TCF7L2: variants seen among roughly 807,000 people sequenced by gnomAD.
TCF7L2 encodes the protein transcription factor 7-like 2.
In TCF7L2, 23 loss-of-function variants were observed where a neutral mutation model predicts 77.9. The observed-to-expected ratio is 0.30, with a 90% CI of 0.21 to 0.42. The LOEUF (loss-of-function observed/expected upper bound fraction) is 0.42. Among genes scored for constraint, TCF7L2 ranks in the 10% least tolerant of loss-of-function variants. The probability of loss-of-function intolerance (pLI) is 1.00; values close to 1 mark genes in which losing one functional copy is unlikely to be tolerated. For synonymous variants in TCF7L2, 413 were observed against 340.2 expected (o/e 1.21, Z -2.36); for missense variants, 654 against 793.1 (o/e 0.82, Z 2.11).
intron 5 of TCF7L2, among the ~76,000 whole-genome samples, chr10:113,043,308 T>C (rs1209328441): frequency 3.9e-5 from 6 of 152,252 alleles, no homozygotes. Context: ...TTTCATGTGG[T>C]ATGTGGGTTA....
At chr10:113,145,766 A>G (rs1220912342) in intron 7 of TCF7L2, among the ~76,000 whole-genome samples, 1 of 152,170 alleles carries the variant, frequency 6.6e-6, no homozygotes, top group African/African-American at 2.4e-5. Flanking sequence ...CAGCTTGGGG[A>G]GAGGGTCTCT....
chr10:112,953,206 T>C (rs903291960), intron 3 of TCF7L2, among the ~76,000 whole-genome samples: 1 of 152,112 alleles, frequency 6.6e-6, no homozygotes, highest in African/African-American at 2.4e-5. Flanking sequence ...AAGGGCATGC[T>C]AGACCGGTCA....
chr10:113,135,304 C>A (rs547429827), intron 5 of TCF7L2, among the ~76,000 whole-genome samples: 1 of 152,162 alleles, frequency 6.6e-6, no homozygotes, highest in Non-Finnish European at 1.5e-5. Flanking sequence ...CCCATTCCCC[C>A]CCACTGTAGT....
At position 113,166,822 on chromosome 10, in the gene TCF7L2, CT is replaced by C. The variant is rs949646901; in HGVS notation, c.*860del. ...ATATATTTTTGTTTCCCCTTTTTGA[CT>C]TTTTTTTTTCTGTATGAAACCCAGA... is the stretch of plus-strand genomic sequence containing the variant. On this transcript the variant is annotated 3_prime_UTR_variant, in exon 14 of 14. Coordinates refer to ENST00000627217, the MANE Select transcript of TCF7L2 (RefSeq NM_001146274.2). 143 of 216,262 alleles carry C rather than the reference CT, an allele frequency of 6.6e-4. No homozygotes were observed. The highest frequency in any genetic ancestry group is 1.0e-3 in the East Asian group (15 of 14,476). 13.4% of individuals were successfully genotyped at this position (216,262 alleles called of 1,614,324 possible).
chr10:113,121,782 A>G (rs141176035), intron 5 of TCF7L2, among the ~76,000 whole-genome samples: 6 of 151,814 alleles, frequency 4.0e-5, no homozygotes, highest in Non-Finnish European at 7.4e-5. Context: ...CACAACACAC[A>G]CACACACACA....
In TCF7L2 at chr10:113,165,771, C is replaced by G. The variant is rs780472490; in HGVS notation, c.1608C>G (p.Pro536=). Reference sequence around the variant, plus strand: ...ACCTGTCCATGATGCCTCCGCCACCCGCCCTCCTGCTCGCTGAGGCCACCC... The same window carrying G: ...ACCTGTCCATGATGCCTCCGCCACCGGCCCTCCTGCTCGCTGAGGCCACCC... Residue 536 remains proline (P), a synonymous_variant, in exon 14 of 14, where the codon CCC becomes CCG. Transcript: ENST00000627217. 1 of 1,608,224 alleles carries G rather than the reference C, an allele frequency of 6.2e-7. No homozygotes were observed. Among genetic ancestry groups the G allele is most frequent in the Non-Finnish European group, 8.5e-7 (1 of 1,177,004 alleles).
chr10:113,149,780 T>C (rs1306246501), intron 8 of TCF7L2, among the ~76,000 whole-genome samples: 1 of 151,982 alleles, frequency 6.6e-6, no homozygotes, highest in African/African-American at 2.4e-5. Context: ...AAAGCAACAG[T>C]TGCCATGATC....
intron 5 of TCF7L2, among the ~76,000 whole-genome samples, chr10:113,115,796 G>A (rs558150456): frequency 1.7e-4 from 26 of 152,152 alleles, no homozygotes; most frequent in Admixed American, 1.6e-3. Context: ...CGACCATCCC[G>A]TCCACAACCT....
intron 4 of TCF7L2, among the ~76,000 whole-genome samples, chr10:112,992,860 T>C (rs2042827283): frequency 6.6e-6 from 1 of 150,730 alleles, no homozygotes; most frequent in South Asian, 2.1e-4. Flanking sequence ...GCCCTCCGAG[T>C]TCAAGCGATT....
rs138115241 is a variant in TCF7L2, at chr10:113,036,823, G to A, written c.451-3202G>A. Among the ~76,000 whole-genome samples the A allele has an allele frequency of 9.9e-5, 15 of 152,276 alleles. No individual in the cohort carries two copies. The East Asian group carries it at 2.9e-3, about 29-fold the overall frequency. On this transcript the variant is annotated intron_variant, in intron 4 of 13. Transcript: ENST00000627217. ...CAATTCATAATTTCCACATTGAACA[G>A]CCTGAGAGGAAGAGAGCTGGAGCCC...
intron 5 of TCF7L2, among the ~76,000 whole-genome samples, chr10:113,057,804 G>A (rs143551512): frequency 2.0e-4 from 30 of 152,262 alleles, no homozygotes; most frequent in African/African-American, 5.3e-4. Flanking sequence ...TGGTCATTCA[G>A]TTCATAGCTA....
chr10:113,119,046 G>A (rs925905879), intron 5 of TCF7L2, among the ~76,000 whole-genome samples: 15 of 152,134 alleles, frequency 9.9e-5, no homozygotes, highest in Non-Finnish European at 1.8e-4. Context: ...TTTGATGTCA[G>A]CAAGAAAATT....
intron 5 of TCF7L2, among the ~76,000 whole-genome samples, chr10:113,106,090 G>A (rs781099880): frequency 2.6e-5 from 4 of 152,168 alleles, no homozygotes; most frequent in African/African-American, 4.8e-5. Flanking sequence ...TCTGACACAA[G>A]AAAAGTAAAA....
At chr10:113,001,095 G>A (rs1036875861) in intron 4 of TCF7L2, among the ~76,000 whole-genome samples, 8 of 152,276 alleles carry the variant, frequency 5.3e-5, no homozygotes, top group East Asian at 1.9e-4. Flanking sequence ...TGCAGTGAGC[G>A]TGTCTTCCTC....
rs2057820563 is a variant in TCF7L2 at position 113,070,271 on chromosome 10, A to ATATATT, written c.552+30150_552+30151insTTATAT. On this transcript the variant is annotated intron_variant, in intron 5 of 13. Coordinates refer to ENST00000627217, the MANE Select transcript of TCF7L2 (RefSeq NM_001146274.2). ...CTCCGTCTTAAAAAAAAAAAAATTT[A>ATATATT]TATATATATATATATATATGAATTA... 2.2e-5 allele frequency among the ~76,000 whole-genome samples: 3 copies of ATATATT among 135,034 alleles called. No homozygotes were observed. In the East Asian group the frequency reaches 6.2e-4, roughly 28 times the overall value. The allele number at this position is 135,034 out of a possible 152,430, so 88.6% of individuals were successfully genotyped here.
At chr10:113,153,732 A>G (rs1268194622) in intron 11 of TCF7L2, among the ~76,000 whole-genome samples, 1 of 152,198 alleles carries the variant, frequency 6.6e-6, no homozygotes, top group Non-Finnish European at 1.5e-5. Context: ...ACTGTGCACA[A>G]GTTATTACAG....
At chr10:113,106,939 T>C (rs2062399678) in intron 5 of TCF7L2, among the ~76,000 whole-genome samples, 1 of 152,196 alleles carries the variant, frequency 6.6e-6, no homozygotes, top group Non-Finnish European at 1.5e-5. Flanking sequence ...GGATCACCAG[T>C]TCTCGAACTC....
chr10:112,999,413 G>A (rs1447185682), intron 4 of TCF7L2, among the ~76,000 whole-genome samples: 7 of 152,188 alleles, frequency 4.6e-5, no homozygotes, highest in South Asian at 4.1e-4. Flanking sequence ...GGAGGTTTAC[G>A]AGTCCTTCTT....
chr10:113,090,834 T>C (rs544906064), intron 5 of TCF7L2, among the ~76,000 whole-genome samples: 1 of 152,292 alleles, frequency 6.6e-6, no homozygotes, highest in Non-Finnish European at 1.5e-5. Flanking sequence ...GGTCTCGATC[T>C]CCTGACCTCG....
Sources: gnomAD v4.1 joint callset for allele counts (sites outside exome capture counted in the v4.1 genomes callset) on GRCh38, gnomAD v4.1.1 for gene constraint, MANE v1.5 for transcripts, NCBI Gene and HGNC (gene_info 2026-07-23, HGNC 2026-07-21) for gene names.